The following GMDS variants were observed in gnomAD, a reference collection of about 807,000 sequenced individuals.
The protein encoded by GMDS is GDP-mannose 4,6-dehydratase.
In GMDS, 20 loss-of-function variants were observed where a neutral mutation model predicts 49.9. That is an observed-to-expected ratio of 0.40 (90% CI 0.28 to 0.58). The LOEUF is 0.58. GMDS is among the 20% of genes least tolerant of loss of function. The pLI is 0.42. For synonymous variants in GMDS, 177 were observed against 178.6 expected (o/e 0.99, Z 0.07); for missense variants, 362 against 481.4 (o/e 0.75, Z 2.32).
intron 9 of GMDS, chr6:1,626,309 G>A (rs2012025): frequency 0.56 from 84,515 of 152,126 alleles, 26,029 homozygotes; most frequent in African/African-American, 0.84. Context: ...AGTGTTAATA[G>A]TACTAAAACA....
At chr6:1,696,769 T>G (rs1765357089) in intron 9 of GMDS, among the ~76,000 whole-genome samples, 2 of 152,190 alleles carry the variant, frequency 1.3e-5, no homozygotes, top group Admixed American at 6.5e-5. Context: ...TCCACTGCCT[T>G]CCACTCTGGA....
chr6:1,665,825 TACAAG>T (rs1764217942), intron 9 of GMDS, among the ~76,000 whole-genome samples: 1 of 152,216 alleles, frequency 6.6e-6, no homozygotes, highest in Non-Finnish European at 1.5e-5. Flanking sequence ...GTCTTCAGGC[TACAAG>T]GAAGCCCGCT....
intron 9 of GMDS, among the ~76,000 whole-genome samples, chr6:1,656,991 G>A (rs543340343): frequency 2.6e-5 from 4 of 152,210 alleles, no homozygotes; most frequent in East Asian, 1.9e-4. Context: ...TCTCAGTGGC[G>A]GGGGGCACAT....
intron 9 of GMDS, among the ~76,000 whole-genome samples, chr6:1,709,484 G>A (rs115410528): frequency 0.013 from 2,004 of 152,334 alleles, 41 homozygotes; most frequent in African/African-American, 0.045. Context: ...TGAGCAGCTG[G>A]AGGAAGTGAC....
chr6:2,124,094 AC>A (rs1775288834), intron 2 of GMDS, among the ~76,000 whole-genome samples: 2 of 151,982 alleles, frequency 1.3e-5, no homozygotes, highest in Non-Finnish European at 2.9e-5. Flanking sequence ...TATCTGAAAA[AC>A]GTTCTTTAAA....
At chr6:2,164,340 A>C (rs1011579529) in intron 1 of GMDS, among the ~76,000 whole-genome samples, 1 of 152,200 alleles carries the variant, frequency 6.6e-6, no homozygotes, top group Non-Finnish European at 1.5e-5. Flanking sequence ...CTCAGGGGTC[A>C]TGTCTTGAAC....
chr6:2,205,976 C>T lies in GMDS; in HGVS notation c.102+39345G>A, dbSNP rs866047118. Reference sequence around the variant, plus strand: ...TTTGGTGGCAGTATAAAAGCACAGACGGCTGGGTGCAGTGGCTCACACCTG... The same window carrying T: ...TTTGGTGGCAGTATAAAAGCACAGATGGCTGGGTGCAGTGGCTCACACCTG... On this transcript the variant is annotated intron_variant, in intron 1 of 10. Transcript: ENST00000380815. Among the ~76,000 whole-genome samples the T allele has an allele frequency of 2.6e-5, 4 of 152,038 alleles. 1 individual carries two copies. The highest frequency in any genetic ancestry group is 1.3e-4 in the Admixed American group (2 of 15,264).
intron 7 of GMDS, among the ~76,000 whole-genome samples, chr6:1,850,443 A>C (rs915161845): frequency 6.6e-6 from 1 of 152,252 alleles, no homozygotes; most frequent in Admixed American, 6.5e-5. Context: ...CTTATTTATC[A>C]GAACTGGAAA....
intron 8 of GMDS, among the ~76,000 whole-genome samples, chr6:1,733,523 A>T (rs1459403203): frequency 6.6e-6 from 1 of 152,206 alleles, no homozygotes; most frequent in Non-Finnish European, 1.5e-5. Context: ...GGAGCCTCAA[A>T]GGAGGGCCAG....
rs552930204 is a variant in GMDS, at chr6:2,100,072, AG to A, written c.345+15698del. Among the ~76,000 whole-genome samples, 1,036 of 152,210 alleles carry A rather than the reference AG, an allele frequency of 6.8e-3. 5 individuals are homozygous for A. The highest frequency in any genetic ancestry group is 0.01 in the Non-Finnish European group (696 of 67,916). Reference sequence around the variant, plus strand: ...TACAGATGGGAAAACTGAGGCCCAGAGAGACTATGTGTCTTCCTCACAGGTT... The same window carrying A: ...TACAGATGGGAAAACTGAGGCCCAGAAGACTATGTGTCTTCCTCACAGGTT... On this transcript the variant is annotated intron_variant, in intron 4 of 10. Transcript: ENST00000380815.
intron 1 of GMDS, among the ~76,000 whole-genome samples, chr6:2,200,463 G>A (rs993041995): frequency 6.6e-6 from 1 of 150,978 alleles, no homozygotes; most frequent in Non-Finnish European, 1.5e-5. Context: ...TGTTAGCAGA[G>A]AGGTGAAGGA....
In GMDS at chr6:2,015,679, C is replaced by A. The variant is rs140466074; in HGVS notation, c.346-54713G>T. On this transcript the variant is annotated intron_variant, in intron 4 of 10. Transcript: ENST00000380815. ...TGTAAGGTGTATTTTCCAAGATCTC[C>A]ACTGGATGCCTGAAACTGCAGACAG... is the stretch of plus-strand genomic sequence containing the variant. Among the ~76,000 whole-genome samples, 600 of 152,190 alleles carry A rather than the reference C, an allele frequency of 3.9e-3. 8 individuals carry two copies. Among genetic ancestry groups the A allele is most frequent in the African/African-American group, 0.014 (571 of 41,526 alleles).
intron 1 of GMDS, among the ~76,000 whole-genome samples, chr6:2,169,670 G>T (rs1197183308): frequency 1.3e-5 from 2 of 150,290 alleles, no homozygotes; most frequent in Admixed American, 1.3e-4. Context: ...TAAGTTTTCT[G>T]GGAAAACAGA....
At chr6:1,753,298 G>A (rs913737056) in intron 7 of GMDS, among the ~76,000 whole-genome samples, 4 of 152,036 alleles carry the variant, frequency 2.6e-5, no homozygotes, top group Non-Finnish European at 5.9e-5. Flanking sequence ...ACAAAGAAGG[G>A]CATTACATAA....
At chr6:1,641,638 C>T (rs1240363462) in intron 9 of GMDS, among the ~76,000 whole-genome samples, 1 of 152,168 alleles carries the variant, frequency 6.6e-6, no homozygotes, top group Non-Finnish European at 1.5e-5. Context: ...CAGGAGCGCT[C>T]CATTCTGCTG....
At chr6:1,657,040 G>C (rs1763905758) in intron 9 of GMDS, among the ~76,000 whole-genome samples, 1 of 152,194 alleles carries the variant, frequency 6.6e-6, no homozygotes, top group Non-Finnish European at 1.5e-5. Context: ...CTTGCAGAGG[G>C]GCTCCTTGGT....
Position 1,828,228 on chromosome 6 carries a change from T to C in GMDS, c.772-85642A>G, listed in dbSNP as rs796339899. 7.1e-4 allele frequency among the ~76,000 whole-genome samples: 108 copies of C among 152,176 alleles called. 1 individual carries two copies. The highest frequency in any genetic ancestry group is 2.5e-3 in the African/African-American group (105 of 41,534). On this transcript the variant is annotated intron_variant, in intron 7 of 10. Transcript: ENST00000380815. Reference sequence around the variant, plus strand: ...TTAGTAAATTTGAAGGTCAAATTACTGAGTTTGAGAAACAGAAAGAAGAAT... The same window carrying C: ...TTAGTAAATTTGAAGGTCAAATTACCGAGTTTGAGAAACAGAAAGAAGAAT...
At chr6:1,673,310 T>A (rs894830723) in intron 9 of GMDS, among the ~76,000 whole-genome samples, 1 of 151,818 alleles carries the variant, frequency 6.6e-6, no homozygotes. Flanking sequence ...TTTTTTGGCA[T>A]GAGGAGACTC....
chr6:1,877,059 T>A (rs992194274), intron 7 of GMDS, among the ~76,000 whole-genome samples: 2 of 152,142 alleles, frequency 1.3e-5, no homozygotes, highest in Non-Finnish European at 2.9e-5. Flanking sequence ...TTTTCCCTCC[T>A]CAGTGTCACC....
Sources: allele counts gnomAD v4.1 joint callset (sites outside exome capture counted in the v4.1 genomes callset), GRCh38; gene constraint gnomAD v4.1.1; transcripts MANE v1.5; gene names NCBI Gene and HGNC (gene_info 2026-07-23, HGNC 2026-07-21).